The following PLCB1 variants were observed in gnomAD, a reference collection of about 807,000 sequenced individuals.
PLCB1 encodes 1-phosphatidylinositol 4,5-bisphosphate phosphodiesterase beta-1.
PLCB1 carries 46 observed loss-of-function variants against 161.8 expected under a neutral mutation model. The observed-to-expected ratio is 0.28, with a 90% CI of 0.22 to 0.36. The LOEUF is 0.36. Ranked by LOEUF, PLCB1 falls within the 10% of genes least tolerant of loss-of-function variation. PLCB1 has a pLI of 1.00. For synonymous variants in PLCB1, 517 were observed against 503.7 expected (o/e 1.03, Z -0.35); for missense variants, 1,016 against 1,472.5 (o/e 0.69, Z 5.07).
intron 2 of PLCB1, among the ~76,000 whole-genome samples, chr20:8,311,557 G>A (rs1362864527): frequency 6.6e-6 from 1 of 152,168 alleles, no homozygotes. Flanking sequence ...GCCTCTGATT[G>A]GGTGGCATCC....
At chr20:8,415,308 T>G (rs1979221990) in intron 3 of PLCB1, among the ~76,000 whole-genome samples, 1 of 152,196 alleles carries the variant, frequency 6.6e-6, no homozygotes, top group Non-Finnish European at 1.5e-5. Context: ...TATTTCTCTG[T>G]AGTAAAAGAA....
At chr20:8,449,956 G>A (rs1019342275) in intron 3 of PLCB1, among the ~76,000 whole-genome samples, 9 of 152,110 alleles carry the variant, frequency 5.9e-5, no homozygotes, top group Admixed American at 3.3e-4. Context: ...GGCGTATTTG[G>A]GAATATTTCT....
At chr20:8,706,818 A>G (rs1978706296) in intron 11 of PLCB1, among the ~76,000 whole-genome samples, 1 of 152,184 alleles carries the variant, frequency 6.6e-6, no homozygotes, top group Admixed American at 6.5e-5. Context: ...TCAAGAATAG[A>G]TAACCATCAT....
chr20:8,329,085 A>G (rs528095200), intron 2 of PLCB1, among the ~76,000 whole-genome samples: 2 of 152,352 alleles, frequency 1.3e-5, no homozygotes, highest in South Asian at 4.1e-4. Context: ...CTTAAATGAC[A>G]AAATTTAATT....
At chr20:8,704,799 G>C (rs1600263374) in intron 11 of PLCB1, among the ~76,000 whole-genome samples, 1 of 152,098 alleles carries the variant, frequency 6.6e-6, no homozygotes, top group Non-Finnish European at 1.5e-5. Flanking sequence ...GAAATCCCAA[G>C]ATCTGCAGTT....
At chr20:8,865,923 A>C (rs1175974690) in intron 31 of PLCB1, among the ~76,000 whole-genome samples, 1 of 152,186 alleles carries the variant, frequency 6.6e-6, no homozygotes, top group African/African-American at 2.4e-5. Flanking sequence ...AAATACTGGA[A>C]TCCAAACCTG....
At chr20:8,719,676 A>G (rs1979519233) in intron 14 of PLCB1, among the ~76,000 whole-genome samples, 3 of 152,202 alleles carry the variant, frequency 2.0e-5, no homozygotes, top group African/African-American at 7.2e-5. Context: ...AGGGAGCCCA[A>G]GAGCCTTCTA....
intron 23 of PLCB1, among the ~76,000 whole-genome samples, chr20:8,748,788 A>T (rs945086470): frequency 2.0e-5 from 3 of 152,268 alleles, no homozygotes; most frequent in Admixed American, 1.3e-4. Flanking sequence ...CATAGTCAGA[A>T]TTTTTTCTAA....
chr20:8,468,258 A>G (rs921715509), intron 3 of PLCB1, among the ~76,000 whole-genome samples: 25 of 152,172 alleles, frequency 1.6e-4, no homozygotes, highest in African/African-American at 6.0e-4. Context: ...GTTTACATAT[A>G]TAAATATTCA....
intron 2 of PLCB1, among the ~76,000 whole-genome samples, chr20:8,311,214 C>T (rs917938154): frequency 4.6e-5 from 7 of 152,126 alleles, no homozygotes; most frequent in East Asian, 1.9e-4. Flanking sequence ...ATGTAAAAAA[C>T]AATCTGTAAA....
chr20:8,846,020 G>C (rs536457201), intron 31 of PLCB1, among the ~76,000 whole-genome samples: 9 of 152,158 alleles, frequency 5.9e-5, no homozygotes, highest in South Asian at 4.1e-4. Flanking sequence ...TGCAACTATT[G>C]TATTAGTCCA....
chr20:8,293,191 C>T lies in PLCB1; in HGVS notation c.178-78191C>T, dbSNP rs532122331. Among the ~76,000 whole-genome samples the T allele has an allele frequency of 2.8e-4, 42 of 152,234 alleles. 1 individual carries two copies. In the East Asian group the frequency reaches 7.5e-3, roughly 27 times the overall value. ...CAAAATTCTAAGTTTTGCTTGGTAG[C>T]TTGCATTTTATTATTGGCAACACAT... On this transcript the variant is annotated intron_variant, in intron 2 of 31. Coordinates refer to ENST00000338037, the MANE Select transcript of PLCB1 (RefSeq NM_015192.4).
At chr20:8,850,325 A>C (rs1986845841) in intron 31 of PLCB1, among the ~76,000 whole-genome samples, 1 of 152,158 alleles carries the variant, frequency 6.6e-6, no homozygotes, top group Admixed American at 6.5e-5. Flanking sequence ...ACGCTGTATA[A>C]ATGTAGGTAG....
At chr20:8,643,814 CTCTCTT>C (rs1473471768) in intron 4 of PLCB1, among the ~76,000 whole-genome samples, 1 of 149,428 alleles carries the variant, frequency 6.7e-6, no homozygotes, top group African/African-American at 2.5e-5. Flanking sequence ...CTCCCTCTCC[CTCTCTT>C]TCCACGGTCT....
intron 31 of PLCB1, among the ~76,000 whole-genome samples, chr20:8,868,758 G>A (rs1987512507): frequency 6.6e-6 from 1 of 152,082 alleles, no homozygotes. Context: ...CAGCCTCCCA[G>A]GCAGCTGGGG....
intron 3 of PLCB1, among the ~76,000 whole-genome samples, chr20:8,455,824 C>T (rs1174625343): frequency 6.6e-6 from 1 of 152,178 alleles, no homozygotes; most frequent in Non-Finnish European, 1.5e-5. Context: ...CCCAGCGTCA[C>T]ACAAATGGAT....
chr20:8,519,270 A>C (rs1015456699), intron 3 of PLCB1, among the ~76,000 whole-genome samples: 1 of 152,134 alleles, frequency 6.6e-6, no homozygotes, highest in African/African-American at 2.4e-5. Context: ...ACAGTGGTGA[A>C]TACTATAGAG....
chr20:8,286,836 A>G (rs1347623622), intron 2 of PLCB1, among the ~76,000 whole-genome samples: 2 of 152,114 alleles, frequency 1.3e-5, no homozygotes. Context: ...TTAATATAAT[A>G]CTTTCTCAGT....
At chr20:8,722,828 C>T (rs115324252) in intron 15 of PLCB1, among the ~76,000 whole-genome samples, 1 of 152,004 alleles carries the variant, frequency 6.6e-6, no homozygotes, top group Admixed American at 6.6e-5. Flanking sequence ...CAGAGAGAGA[C>T]CTCACGCCTT....
Sources: gnomAD v4.1 joint callset for allele counts (sites outside exome capture counted in the v4.1 genomes callset) on GRCh38, gnomAD v4.1.1 for gene constraint, MANE v1.5 for transcripts, NCBI Gene and HGNC (gene_info 2026-07-23, HGNC 2026-07-21) for gene names.